SLC12A7: variants seen among roughly 807,000 people sequenced by gnomAD.
SLC12A7 encodes the protein K-Cl cotransporter 4.
A neutral mutation model predicts 120.6 loss-of-function variants in SLC12A7; 100 were observed. That is an observed-to-expected ratio of 0.83 (90% confidence interval 0.71 to 0.98). The LOEUF (loss-of-function observed/expected upper bound fraction) is 0.98. SLC12A7 is among the 50% of genes least tolerant of loss of function. The probability of loss-of-function intolerance (pLI) is 0.00; values close to 1 mark genes in which losing one functional copy is unlikely to be tolerated. For missense variants in SLC12A7, 1,373 were observed against 1,548.1 expected (o/e 0.89, Z 1.90); for synonymous variants, 760 against 678.0 (o/e 1.12, Z -1.88).
At chr5:1,107,811 G>C (rs1028708848) in intron 1 of SLC12A7, among the ~76,000 whole-genome samples, 3 of 152,172 alleles carry the variant, frequency 2.0e-5, no homozygotes, top group African/African-American at 7.2e-5. Flanking sequence ...CCATGAACCT[G>C]AGTCCACGAG....
chr5:1,053,602 G>A, intron 22 of SLC12A7, 120 bp from the exon 23 acceptor site: 3 of 1,288,638 alleles, frequency 2.3e-6, no homozygotes, highest in South Asian at 1.5e-5. Flanking sequence ...TGTGAGTCAG[G>A]ATCAGGCGGA....
At chr5:1,142,628 CGCTGTCTCTGTCTG>C in the SLC12A7 span, among the ~76,000 whole-genome samples, 2 of 148,322 alleles carry the variant, frequency 1.3e-5, no homozygotes, top group Non-Finnish European at 3.0e-5. Context: ...CTCTGTCTCT[CGCTGTCTCTGTCTG>C]GCTGTCTCTG....
At chr5:1,058,752 T>G (rs1352022111) in intron 21 of SLC12A7, among the ~76,000 whole-genome samples, 2 of 152,184 alleles carry the variant, frequency 1.3e-5, no homozygotes, top group Admixed American at 6.5e-5. Context: ...CAGCCTAAAT[T>G]TCCCATGGCC....
chr5:1,083,625 C>T (rs1268947841), intron 8 of SLC12A7, 120 bp downstream of exon 8: 113 of 1,040,294 alleles, frequency 1.1e-4, no homozygotes, highest in Non-Finnish European at 1.5e-4. Context: ...TGGGAAGGGG[C>T]TCGGCCAGGC....
chr5:1,104,713 G>C (rs1742340165), intron 1 of SLC12A7, among the ~76,000 whole-genome samples: 1 of 152,226 alleles, frequency 6.6e-6, no homozygotes, highest in Non-Finnish European at 1.5e-5. Context: ...TGCTGCCCAA[G>C]AAAACCCCAG....
chr5:1,140,762 A>G, the SLC12A7 span, among the ~76,000 whole-genome samples: 53,947 of 152,130 alleles, frequency 0.35, 9,754 homozygotes, highest in South Asian at 0.42. Flanking sequence ...GGGTGCAGGG[A>G]AGGGAGATTC....
At chr5:1,099,890 T>G (rs547589331) in intron 1 of SLC12A7, among the ~76,000 whole-genome samples, 3 of 151,746 alleles carry the variant, frequency 2.0e-5, no homozygotes, top group Admixed American at 6.6e-5. Flanking sequence ...GGGGCAGGAG[T>G]GCGCAGGGGA....
Position 1,111,988 on chromosome 5 carries a change from G to A in SLC12A7, c.4C>T (p.Pro2Ser). 3.1e-6 allele frequency: 4 copies of A among 1,275,830 alleles called. No individual in the cohort carries two copies. The highest frequency in any genetic ancestry group is 6.2e-5 in the South Asian group (2 of 32,180). The allele number at this position is 1,275,830 out of a possible 1,614,324, so 79.0% of individuals were successfully genotyped here. A position where few individuals can be genotyped will look rare whatever the true frequency, so the allele number is the denominator to read the frequency against. MPTNFTVVPVEA... is the reference protein window; with the variant it reads MSTNFTVVPVEA... ...ACGGGCACCACGGTGAAGTTGGTGG[G>A]CATGGCCGCCTGCAGCCGACAGTCC... Residue 2 changes from proline (P) to serine (S), a missense_variant, in exon 1 of 24, where the codon CCC becomes TCC. By Grantham distance (74) the Pro-to-Ser change is moderately conservative. Transcript: ENST00000264930.
At position 1,090,239 on chromosome 5, in the gene SLC12A7, C is replaced by T. The variant is rs188849407; in HGVS notation, c.343-1111G>A. ...GGTCACCGTGCCGGAACGCCTCCCA[C>T]AGACTGGCCAAGGCTGGGGCCAGGG... On this transcript the variant is annotated intron_variant, in intron 3 of 23. Transcript: ENST00000264930. 7.6e-3 allele frequency among the ~76,000 whole-genome samples: 1,159 copies of T among 152,332 alleles called. 9 individuals carry two copies. The highest frequency in any genetic ancestry group is 0.017 in the Middle Eastern group (5 of 294).
chr5:1,140,021 C>T, the SLC12A7 span, among the ~76,000 whole-genome samples: 1 of 152,216 alleles, frequency 6.6e-6, no homozygotes, highest in Admixed American at 6.5e-5. Flanking sequence ...CCGGCCTGCA[C>T]CTCTGTCTCC....
At chr5:1,078,297 G>A (rs1738599345) in intron 11 of SLC12A7, among the ~76,000 whole-genome samples, 1 of 152,078 alleles carries the variant, frequency 6.6e-6, no homozygotes, top group African/African-American at 2.4e-5. Flanking sequence ...GGACCACCCA[G>A]GACCCCCGGG....
chr5:1,082,500 G>A (rs1158329071), intron 8 of SLC12A7, among the ~76,000 whole-genome samples: 2 of 136,766 alleles, frequency 1.5e-5, no homozygotes, highest in Non-Finnish European at 3.1e-5. Flanking sequence ...CCCGTCTCGG[G>A]TTCTGGGGAA....
At chr5:1,108,832 G>A (rs780395995) in intron 1 of SLC12A7, among the ~76,000 whole-genome samples, 8 of 152,172 alleles carry the variant, frequency 5.3e-5, no homozygotes, top group Non-Finnish European at 7.3e-5. Context: ...GGACACGGTA[G>A]GTAGTTGGAG....
At chr5:1,101,466 G>A (rs562945800) in intron 1 of SLC12A7, among the ~76,000 whole-genome samples, 1 of 152,274 alleles carries the variant, frequency 6.6e-6, no homozygotes, top group East Asian at 1.9e-4. Context: ...GACCTTGGAG[G>A]AGCCCTCCCA....
chr5:1,093,555 T>C lies in SLC12A7; in HGVS notation c.320A>G (p.Glu107Gly). Residue 107 changes from glutamate (E) to glycine (G), a missense_variant, in exon 3 of 24, where the codon GAG (glutamate) becomes GGG (glycine). Transcript: ENST00000264930. ...TACCTTGGCCTCCCGCCGCCGGCTCTCCTCGTCCTCCTCGTGCTCCACCAC... is the reference window on the plus strand; with the variant it reads ...TACCTTGGCCTCCCGCCGCCGGCTCCCCTCGTCCTCCTCGTGCTCCACCAC... ...QGVVEHEEDE[E>G]SRRREAKAPR... 1 of 1,600,788 alleles carries C rather than the reference T, an allele frequency of 6.2e-7. No individual in the cohort carries two copies. The highest frequency in any genetic ancestry group is 8.5e-7 in the Non-Finnish European group (1 of 1,174,694).
At chr5:1,093,714 C>T (rs1476613915) in intron 2 of SLC12A7, 59 bp from the exon 3 acceptor site, 3 of 1,600,976 alleles carry the variant, frequency 1.9e-6, no homozygotes, top group Non-Finnish European at 2.6e-6. Flanking sequence ...CCCCCGACCT[C>T]CCTCCCCGTG....
At chr5:1,155,542 C>A in the SLC12A7 span, among the ~76,000 whole-genome samples, 1 of 151,372 alleles carries the variant, frequency 6.6e-6, no homozygotes. Flanking sequence ...AGGGGCGGGG[C>A]TCCGCTGGGC....
At chr5:1,145,410 T>G in the SLC12A7 span, among the ~76,000 whole-genome samples, 2 of 152,132 alleles carry the variant, frequency 1.3e-5, no homozygotes, top group African/African-American at 4.8e-5. This position sits in a 1 kb window ranked among gnomAD's most constrained non-coding sequence, Gnocchi z 4.4. Context: ...AGCGGGGTAA[T>G]TGCGGCCAGG....
the SLC12A7 span, among the ~76,000 whole-genome samples, chr5:1,125,407 G>A: frequency 1.3e-5 from 2 of 152,128 alleles, no homozygotes; most frequent in African/African-American, 2.4e-5. Context: ...ATGCTGAATA[G>A]TGCATAATAA....
Sources: gnomAD v4.1 joint callset for allele counts (sites outside exome capture counted in the v4.1 genomes callset) on GRCh38, gnomAD v4.1.1 for gene constraint, Gnocchi (gnomAD v3.1) non-coding constraint, MANE v1.5 for transcripts, NCBI Gene and HGNC (gene_info 2026-07-23, HGNC 2026-07-21) for gene names.